AGPAT5: variants seen among roughly 807,000 people sequenced by gnomAD.
AGPAT5 encodes 1-acyl-sn-glycerol-3-phosphate acyltransferase epsilon.
In AGPAT5, 46 loss-of-function variants were observed where a neutral mutation model predicts 45.6. The ratio of observed to expected loss-of-function variants is 1.01; its 90% CI spans 0.80 to 1.29. The LOEUF is 1.29. Ranked by LOEUF, AGPAT5 falls within the 50% of genes most tolerant of loss-of-function variation. The probability of loss-of-function intolerance (pLI) is 0.00; values close to 1 mark genes in which losing one functional copy is unlikely to be tolerated. For synonymous variants in AGPAT5, 272 were observed against 167.0 expected, an observed-to-expected ratio of 1.63 and a Z score of -4.85; for missense variants, 673 against 450.7, an observed-to-expected ratio of 1.49 and a Z score of -4.47.
Position 6,732,627 on chromosome 8 carries a change from A to C in AGPAT5, c.472A>C (p.Ser158Arg), listed in dbSNP as rs1391458766. The C allele has an allele frequency of 5.6e-6, 9 of 1,611,070 alleles. No homozygotes were observed. Among genetic ancestry groups the C allele is most frequent in the Non-Finnish European group, 7.6e-6 (9 of 1,179,206 alleles). ...NEKEMRNKLQSYVDAGTPMYL... is the reference protein window; with the variant it reads ...NEKEMRNKLQRYVDAGTPMYL... ...GAAAGAGATGCGAAACAAGTTGCAG[A>C]GCTACGTGGACGCAGGAACTCCAGT... The change falls in exon 4 of 8, where the codon AGC becomes CGC. Residue 158 changes from serine (S) to arginine (R), a missense_variant. Ser to Arg is a moderately radical substitution (Grantham distance 110, BLOSUM62 -1). Transcript: ENST00000285518.
chr8:6,720,175 G>A (rs1800455270), intron 1 of AGPAT5, among the ~76,000 whole-genome samples: 1 of 152,110 alleles, frequency 6.6e-6, no homozygotes, highest in African/African-American at 2.4e-5. Context: ...CCACCAGGAT[G>A]ACCATGTGCT....
chr8:6,737,880 C>G (rs777839446), intron 4 of AGPAT5, among the ~76,000 whole-genome samples: 3 of 152,168 alleles, frequency 2.0e-5, no homozygotes, highest in African/African-American at 7.2e-5. Flanking sequence ...CACGAACCAA[C>G]CTCTGCTAGC....
intron 4 of AGPAT5, among the ~76,000 whole-genome samples, chr8:6,737,164 A>T (rs554542745): frequency 1.3e-5 from 2 of 152,332 alleles, no homozygotes; most frequent in African/African-American, 4.8e-5. Flanking sequence ...ACAGACTGGC[A>T]GGTTCAAGAG....
In AGPAT5 at chr8:6,732,165, C is replaced by T. The variant is rs962609788; in HGVS notation, c.406-396C>T. Among the ~76,000 whole-genome samples, 8 of 87,750 alleles carry T rather than the reference C, an allele frequency of 9.1e-5. No homozygotes were observed. In the East Asian group the frequency reaches 2.6e-3, roughly 28 times the overall value. The allele number at this position is 87,750 out of a possible 152,430, so 57.6% of individuals were successfully genotyped here. A position where few individuals can be genotyped will look rare whatever the true frequency, so the allele number is the denominator to read the frequency against. Reference sequence around the variant, plus strand: ...TAGCAGGATTGATTTTTTAAAATCCCTAAAGATCGTGAGACATGTTAAGGA... The same window carrying T: ...TAGCAGGATTGATTTTTTAAAATCCTTAAAGATCGTGAGACATGTTAAGGA... On this transcript the variant is annotated intron_variant, in intron 3 of 7. Coordinates refer to ENST00000285518, the MANE Select transcript of AGPAT5 (RefSeq NM_018361.5).
chr8:6,725,901 T>G (rs370890842), intron 2 of AGPAT5, among the ~76,000 whole-genome samples: 1 of 152,208 alleles, frequency 6.6e-6, no homozygotes, highest in East Asian at 1.9e-4. Context: ...TGTCTCTTCA[T>G]GATTTTGTGG....
chr8:6,729,384 C>G (rs373033526), intron 2 of AGPAT5, among the ~76,000 whole-genome samples: 3 of 149,990 alleles, frequency 2.0e-5, no homozygotes, highest in African/African-American at 7.4e-5. Context: ...CTGACTCACT[C>G]CTTTTGTTCT....
At chr8:6,745,107 A>G (rs754273780) in intron 5 of AGPAT5, 13 of 152,464 alleles carry the variant, frequency 8.5e-5, no homozygotes, top group Non-Finnish European at 1.6e-4. Flanking sequence ...TGCACCCAAT[A>G]TCCCTTTTGA....
In AGPAT5 at chr8:6,757,412, G is replaced by GA; in HGVS notation, c.*24_*25insA. 1 of 1,589,508 alleles carries GA rather than the reference G, an allele frequency of 6.3e-7. No homozygotes were observed. Among genetic ancestry groups the GA allele is most frequent in the South Asian group, 1.1e-5 (1 of 90,356 alleles). ...AGACAAGTAGCTGTCTCCAGACAGT[G>GA]GGATGTGCTACATTGTCTATTTTTG... On this transcript the variant is annotated 3_prime_UTR_variant, in exon 8 of 8. Transcript: ENST00000285518.
chr8:6,756,898 C>T (rs1801859984), intron 7 of AGPAT5, among the ~76,000 whole-genome samples: 1 of 152,076 alleles, frequency 6.6e-6, no homozygotes, highest in Non-Finnish European at 1.5e-5. Context: ...GTTTAAAAGA[C>T]AAAAAGCATC....
intron 1 of AGPAT5, among the ~76,000 whole-genome samples, chr8:6,721,548 C>G (rs1278828900): frequency 6.6e-6 from 1 of 152,150 alleles, no homozygotes; most frequent in African/African-American, 2.4e-5. Flanking sequence ...GGAGTAGTTA[C>G]TATTATTACA....
intron 1 of AGPAT5, among the ~76,000 whole-genome samples, chr8:6,718,344 T>A (rs140805140): frequency 6.6e-6 from 1 of 152,202 alleles, no homozygotes; most frequent in African/African-American, 2.4e-5. Flanking sequence ...ATGCTTGCTT[T>A]CTTCAGCTGA....
chr8:6,747,865 G>A (rs549753490), intron 6 of AGPAT5, 37 bp downstream of exon 6: 1 of 1,597,572 alleles, frequency 6.3e-7, no homozygotes, highest in African/African-American at 1.3e-5. Flanking sequence ...CCTGTACACG[G>A]TATATACAGT....
In AGPAT5 at chr8:6,748,596, C is replaced by T. The variant is rs567626163; in HGVS notation, c.745+768C>T. Among the ~76,000 whole-genome samples, 9 of 152,300 alleles carry T rather than the reference C, an allele frequency of 5.9e-5. No individual in the cohort carries two copies. The South Asian group carries it at 1.4e-3, about 25-fold the overall frequency. On this transcript the variant is annotated intron_variant, in intron 6 of 7. Transcript: ENST00000285518. ...CTTGGCTCACTGCAACCTCCGCCTCCCACGTTCACACGATTCTCCTGCCTC... is the reference window on the plus strand; with the variant it reads ...CTTGGCTCACTGCAACCTCCGCCTCTCACGTTCACACGATTCTCCTGCCTC...
rs1340641590 is a variant in AGPAT5, at chr8:6,757,518, T to C, written c.*130T>C. On this transcript the variant is annotated 3_prime_UTR_variant, in exon 8 of 8. Transcript: ENST00000285518. ...GCCTTGTTGATTGAAGATTGGATAA[T>C]AGAATTTGTGACGAAAGCTGATATG... 1 of 741,472 alleles carries C rather than the reference T, an allele frequency of 1.3e-6. No individual in the cohort carries two copies. Among genetic ancestry groups the C allele is most frequent in the Non-Finnish European group, 2.2e-6 (1 of 455,256 alleles). 45.9% of individuals were successfully genotyped at this position (741,472 alleles called of 1,614,324 possible).
At chr8:6,712,833 C>T (rs1365042) in intron 1 of AGPAT5, among the ~76,000 whole-genome samples, 109,757 of 152,156 alleles carry the variant, frequency 0.72, 40,122 homozygotes, top group African/African-American at 0.82. Flanking sequence ...TTAGCATGTT[C>T]TGTGAAGCTG....
intron 1 of AGPAT5, among the ~76,000 whole-genome samples, chr8:6,710,087 G>C (rs1463291464): frequency 2.6e-5 from 4 of 152,092 alleles, no homozygotes; most frequent in South Asian, 2.1e-4. Context: ...CAACTGGCCT[G>C]GGATGGGATA....
intron 1 of AGPAT5, among the ~76,000 whole-genome samples, chr8:6,718,825 G>T (rs1800412316): frequency 6.6e-6 from 1 of 152,094 alleles, no homozygotes; most frequent in African/African-American, 2.4e-5. Context: ...TCAAAATTTT[G>T]AAAAAGAAAT....
At chr8:6,749,487 A>G (rs775034943) in intron 6 of AGPAT5, among the ~76,000 whole-genome samples, 1 of 152,358 alleles carries the variant, frequency 6.6e-6, no homozygotes, top group Non-Finnish European at 1.5e-5. Context: ...TACGAAATGC[A>G]CAGTGAAACG....
intron 6 of AGPAT5, among the ~76,000 whole-genome samples, chr8:6,753,943 G>T (rs1021946839): frequency 3.3e-5 from 5 of 152,172 alleles, no homozygotes; most frequent in Non-Finnish European, 7.3e-5. Flanking sequence ...AAAACGGGAA[G>T]TGTGTGGGGT....
Sources: gnomAD v4.1 joint callset for allele counts (sites outside exome capture counted in the v4.1 genomes callset) on GRCh38, gnomAD v4.1.1 for gene constraint, MANE v1.5 for transcripts, NCBI Gene and HGNC (gene_info 2026-07-23, HGNC 2026-07-21) for gene names.